CNTN4: variants seen among roughly 807,000 people sequenced by gnomAD.
CNTN4 encodes contactin 4.
CNTN4 carries 77 observed loss-of-function variants against 122.5 expected under a neutral mutation model. The observed-to-expected ratio is 0.63, with a 90% CI of 0.52 to 0.76. The LOEUF is 0.76. Among genes scored for constraint, CNTN4 ranks in the 30% least tolerant of loss-of-function variants. The pLI is 0.00. For missense variants in CNTN4, 1,256 were observed against 1,259.1 expected (o/e 1.00, Z 0.04); for synonymous variants, 512 against 447.0 (o/e 1.15, Z -1.83).
chr3:2,739,122 T>A (rs2089309530), intron 5 of CNTN4, among the ~76,000 whole-genome samples: 1 of 151,924 alleles, frequency 6.6e-6, no homozygotes, highest in South Asian at 2.1e-4. Flanking sequence ...AACCAAAAAT[T>A]CAGTAAACAT....
intron 2 of CNTN4, among the ~76,000 whole-genome samples, chr3:2,124,723 T>C (rs1021271963): frequency 3.9e-5 from 6 of 152,120 alleles, no homozygotes; most frequent in South Asian, 2.1e-4. Context: ...CAGTAAGCTA[T>C]GTTCATGCTA....
At chr3:2,886,445 A>G (rs1168152670) in intron 9 of CNTN4, among the ~76,000 whole-genome samples, 1 of 151,606 alleles carries the variant, frequency 6.6e-6, no homozygotes, top group Admixed American at 6.6e-5. Context: ...AAAACATATG[A>G]GGAAACATAT....
intron 2 of CNTN4, among the ~76,000 whole-genome samples, chr3:2,139,738 C>T (rs903940160): frequency 3.3e-5 from 5 of 152,072 alleles, no homozygotes; most frequent in Admixed American, 6.5e-5. Flanking sequence ...AACCAAGGGC[C>T]TGGGAAAAAC....
chr3:2,705,944 T>C (rs1329935596), intron 4 of CNTN4, among the ~76,000 whole-genome samples: 2 of 127,778 alleles, frequency 1.6e-5, no homozygotes, highest in African/African-American at 5.9e-5. Flanking sequence ...TATAAATAAA[T>C]ATATAATATA....
At position 2,192,226 on chromosome 3, in the gene CNTN4, T is replaced by G. The variant is rs1289869973; in HGVS notation, c.-145+91587T>G. Among the ~76,000 whole-genome samples, 6 of 152,300 alleles carry G rather than the reference T, an allele frequency of 3.9e-5. 1 individual carries two copies. The highest frequency in any genetic ancestry group is 6.5e-5 in the Admixed American group (1 of 15,286). On this transcript the variant is annotated intron_variant, in intron 2 of 24. Coordinates refer to ENST00000418658, the MANE Select transcript of CNTN4 (RefSeq NM_175607.3). Reference sequence around the variant, plus strand: ...TGTCTTTATAGCAGCATGATTTATATTCCTTTGGGTGTATACCCATTAATG... The same window carrying G: ...TGTCTTTATAGCAGCATGATTTATAGTCCTTTGGGTGTATACCCATTAATG...
At chr3:2,777,547 A>G (rs1041865823) in intron 6 of CNTN4, among the ~76,000 whole-genome samples, 1 of 152,228 alleles carries the variant, frequency 6.6e-6, no homozygotes, top group African/African-American at 2.4e-5. Flanking sequence ...CAAAAGACCA[A>G]TCAAGGCACC....
chr3:2,851,829 C>T (rs2093555382), intron 7 of CNTN4, among the ~76,000 whole-genome samples: 1 of 152,022 alleles, frequency 6.6e-6, no homozygotes, highest in Non-Finnish European at 1.5e-5. Context: ...CAGTACTGCC[C>T]TAATCACTTA....
At chr3:2,538,497 TA>T (rs1243766417) in intron 3 of CNTN4, among the ~76,000 whole-genome samples, 1 of 152,080 alleles carries the variant, frequency 6.6e-6, no homozygotes, top group Non-Finnish European at 1.5e-5. Context: ...TTAATATATA[TA>T]GTTATTTCCC....
chr3:2,606,534 A>G (rs909951687), intron 4 of CNTN4, among the ~76,000 whole-genome samples: 3 of 152,230 alleles, frequency 2.0e-5, no homozygotes, highest in Non-Finnish European at 4.4e-5. Flanking sequence ...TGGGCGGATA[A>G]TGGGTTTTAA....
At chr3:2,109,022 CAGTG>C (rs1285962234) in intron 2 of CNTN4, among the ~76,000 whole-genome samples, 5 of 152,154 alleles carry the variant, frequency 3.3e-5, no homozygotes, top group African/African-American at 9.7e-5. Flanking sequence ...GCAAGCAAGT[CAGTG>C]AGAGTGATTA....
intron 2 of CNTN4, among the ~76,000 whole-genome samples, chr3:2,114,025 G>A (rs1039909976): frequency 2.0e-5 from 3 of 152,124 alleles, no homozygotes; most frequent in African/African-American, 7.2e-5. Flanking sequence ...TTTTTGCTTG[G>A]TGTAAAAAGA....
intron 2 of CNTN4, among the ~76,000 whole-genome samples, chr3:2,216,795 C>T (rs1198160564): frequency 6.6e-6 from 1 of 152,126 alleles, no homozygotes; most frequent in East Asian, 1.9e-4. Flanking sequence ...GCATACCCCT[C>T]CTCACTCCAT....
chr3:2,257,376 TG>T (rs2040640141), intron 2 of CNTN4, among the ~76,000 whole-genome samples: 1 of 152,178 alleles, frequency 6.6e-6, no homozygotes, highest in Non-Finnish European at 1.5e-5. Context: ...GACATAGGCA[TG>T]GGCAAAGACT....
chr3:2,532,494 G>A (rs974501880), intron 3 of CNTN4, among the ~76,000 whole-genome samples: 4 of 152,098 alleles, frequency 2.6e-5, no homozygotes, highest in African/African-American at 9.7e-5. Context: ...AATAAAAATA[G>A]TAGCCATCCC....
intron 4 of CNTN4, among the ~76,000 whole-genome samples, chr3:2,582,968 T>A (rs184958472): frequency 7.9e-5 from 12 of 151,008 alleles, no homozygotes; most frequent in Admixed American, 7.2e-4. Flanking sequence ...TCAAATAGAT[T>A]TAAAACGTAT....
intron 2 of CNTN4, among the ~76,000 whole-genome samples, chr3:2,232,019 C>T (rs564587946): frequency 6.6e-6 from 1 of 152,018 alleles, no homozygotes; most frequent in Non-Finnish European, 1.5e-5. Context: ...ATTTAAATAA[C>T]ATGTTTTAGA....
rs910548670 is a variant in CNTN4, at chr3:2,140,795, GA to G, written c.-145+40161del. Among the ~76,000 whole-genome samples, 64 of 152,248 alleles carry G rather than the reference GA, an allele frequency of 4.2e-4. 2 individuals are homozygous for G. Among genetic ancestry groups the G allele is most frequent in the African/African-American group, 1.4e-3 (59 of 41,540 alleles). On this transcript the variant is annotated intron_variant, in intron 2 of 24. Transcript: ENST00000418658. The stretch of plus-strand genomic sequence containing the variant: ...CCTCAAAATTTATATTTTGCACTCA[GA>G]AAAATTCTTCCTTTTATTCCCTGAA...
chr3:2,863,534 A>AT (rs36002697), intron 7 of CNTN4, among the ~76,000 whole-genome samples: 59,973 of 143,916 alleles, frequency 0.42, 12,511 homozygotes, highest in South Asian at 0.48. Flanking sequence ...TTAATTCAAT[A>AT]TTTGTTGTTG....
At chr3:2,945,999 G>T in intron 13 of CNTN4, among the ~76,000 whole-genome samples, 1 of 152,192 alleles carries the variant, frequency 6.6e-6, no homozygotes, top group East Asian at 1.9e-4. Flanking sequence ...GGTCCAGAGA[G>T]TCTCATCTTC....
Sources: gnomAD v4.1 joint callset for allele counts (sites outside exome capture counted in the v4.1 genomes callset) on GRCh38, gnomAD v4.1.1 for gene constraint, MANE v1.5 for transcripts, NCBI Gene and HGNC (gene_info 2026-07-23, HGNC 2026-07-21) for gene names.